The following BABAM2 variants were observed in gnomAD, a reference collection of about 807,000 sequenced individuals.
BABAM2 encodes BRISC and BRCA1 A complex member 2.
BABAM2 carries 31 observed loss-of-function variants against 54.7 expected under a neutral mutation model. The observed-to-expected ratio is 0.57, with a 90% CI of 0.43 to 0.77. BABAM2 has a LOEUF of 0.77. BABAM2 is among the 30% of genes least tolerant of loss of function. The probability of loss-of-function intolerance (pLI) is 0.00; values close to 1 mark genes in which losing one functional copy is unlikely to be tolerated. For synonymous variants in BABAM2, 167 were observed against 162.9 expected (o/e 1.03, Z -0.19); for missense variants, 364 against 455.8 (o/e 0.80, Z 1.83).
At chr2:28,058,328 T>C (rs1030864269) in intron 6 of BABAM2, among the ~76,000 whole-genome samples, 5 of 152,066 alleles carry the variant, frequency 3.3e-5, no homozygotes, top group Admixed American at 3.3e-4. Flanking sequence ...TTAACTCAAA[T>C]TTTAATCATT....
intron 6 of BABAM2, among the ~76,000 whole-genome samples, chr2:28,127,357 T>G (rs1324346089): frequency 6.6e-6 from 1 of 152,122 alleles, no homozygotes; most frequent in Non-Finnish European, 1.5e-5. Flanking sequence ...GAGAAGCATT[T>G]GGTGTGTTTA....
intron 7 of BABAM2, among the ~76,000 whole-genome samples, chr2:28,146,778 A>G (rs1404007771): frequency 6.6e-6 from 1 of 152,132 alleles, no homozygotes; most frequent in East Asian, 1.9e-4. Context: ...CCTGACTTGG[A>G]TTTTAATCTC....
chr2:27,930,150 A>G (rs1433285549), intron 3 of BABAM2: 2 of 406,006 alleles, frequency 4.9e-6, no homozygotes, highest in African/African-American at 2.1e-5. Flanking sequence ...CATGCCCGGT[A>G]ATTTTTATGT....
intron 10 of BABAM2, among the ~76,000 whole-genome samples, chr2:28,287,087 C>T (rs1686888432): frequency 6.6e-6 from 1 of 152,138 alleles, no homozygotes; most frequent in East Asian, 1.9e-4. Flanking sequence ...TAAACTGACC[C>T]TTTACTTTAA....
intron 7 of BABAM2, among the ~76,000 whole-genome samples, chr2:28,153,184 T>G (rs1672220800): frequency 6.6e-6 from 1 of 152,214 alleles, no homozygotes; most frequent in Non-Finnish European, 1.5e-5. Context: ...TCAGATCCTG[T>G]TCCTTGGATG....
chr2:28,146,305 C>G (rs1291412170), intron 7 of BABAM2, among the ~76,000 whole-genome samples: 3 of 152,176 alleles, frequency 2.0e-5, no homozygotes, highest in Non-Finnish European at 4.4e-5. Context: ...TGAAGTTCCT[C>G]TTGGCTAGAA....
rs189375087 is a variant in BABAM2 at position 28,291,168 on chromosome 2, G to T, written c.935-7170G>T. On this transcript the variant is annotated intron_variant, in intron 10 of 11. Coordinates refer to ENST00000379624, the MANE Select transcript of BABAM2 (RefSeq NM_199191.3). Reference sequence around the variant, plus strand: ...GCCTATGATATCATCACTAATTAATGGTGTAGCCAATATTTGAACTCACTT... The same window carrying T: ...GCCTATGATATCATCACTAATTAATTGTGTAGCCAATATTTGAACTCACTT... 4.6e-5 allele frequency among the ~76,000 whole-genome samples: 7 copies of T among 152,238 alleles called. No homozygotes were observed. In the South Asian group the frequency reaches 1.5e-3, roughly 32 times the overall value.
intron 5 of BABAM2, among the ~76,000 whole-genome samples, chr2:28,025,774 A>G (rs1455608049): frequency 1.3e-5 from 2 of 152,178 alleles, no homozygotes; most frequent in Non-Finnish European, 2.9e-5. Flanking sequence ...CCCTCCTTTG[A>G]GTGGAAGACT....
At chr2:28,100,992 G>A (rs144787255) in intron 6 of BABAM2, among the ~76,000 whole-genome samples, 20 of 152,328 alleles carry the variant, frequency 1.3e-4, no homozygotes, top group African/African-American at 9.6e-5. Flanking sequence ...TTCCAGGGAA[G>A]CAGGCAAAGC....
At chr2:28,290,111 T>G (rs1302634948) in intron 10 of BABAM2, among the ~76,000 whole-genome samples, 1 of 152,248 alleles carries the variant, frequency 6.6e-6, no homozygotes, top group Non-Finnish European at 1.5e-5. Flanking sequence ...CTTGCTTTTT[T>G]CACTGAACAT....
intron 4 of BABAM2, among the ~76,000 whole-genome samples, chr2:27,991,662 C>T (rs151054066): frequency 6.6e-6 from 1 of 152,190 alleles, no homozygotes; most frequent in East Asian, 1.9e-4. Context: ...ATATGTTGTC[C>T]TTTGTTACTG....
chr2:28,336,119 G>T (rs535896646), intron 11 of BABAM2, among the ~76,000 whole-genome samples: 4 of 152,198 alleles, frequency 2.6e-5, no homozygotes, highest in Non-Finnish European at 4.4e-5. Context: ...AAGAGAATCA[G>T]TGTAGCTGCA....
intron 7 of BABAM2, among the ~76,000 whole-genome samples, chr2:28,139,341 A>AAG (rs1553326512): frequency 8.9e-4 from 110 of 123,880 alleles, no homozygotes; most frequent in Middle Eastern, 4.5e-3. Context: ...AAAAAAAAAA[A>AAG]AAAAGAAAAA....
upstream of BABAM2, chr2:27,890,418 AC>A: frequency 1.4e-6 from 2 of 1,429,606 alleles, no homozygotes; most frequent in South Asian, 1.2e-5. This position sits in a 1 kb window ranked among gnomAD's most constrained non-coding sequence, Gnocchi z 4.8. Context: ...CAGAGACGCC[AC>A]TCCTGCCCTC....
At chr2:28,041,249 C>T (rs1453770122) in intron 5 of BABAM2, among the ~76,000 whole-genome samples, 1 of 152,114 alleles carries the variant, frequency 6.6e-6, no homozygotes, top group African/African-American at 2.4e-5. Context: ...TTTCAAATTG[C>T]ATTTTAATTT....
chr2:28,014,648 T>C (rs974817313), intron 4 of BABAM2, among the ~76,000 whole-genome samples: 3 of 149,942 alleles, frequency 2.0e-5, no homozygotes, highest in Non-Finnish European at 4.4e-5. Flanking sequence ...TGGTTAAGTC[T>C]CAGCTTCAAT....
intron 10 of BABAM2, among the ~76,000 whole-genome samples, chr2:28,267,554 C>A (rs1218408235): frequency 6.6e-6 from 1 of 152,186 alleles, no homozygotes; most frequent in Non-Finnish European, 1.5e-5. Flanking sequence ...AACACAGTAA[C>A]GTTTTATTTC....
chr2:28,065,378 A>G (rs1359400014), intron 6 of BABAM2, among the ~76,000 whole-genome samples: 1 of 152,162 alleles, frequency 6.6e-6, no homozygotes, highest in Non-Finnish European at 1.5e-5. Context: ...CTAGCAGCAA[A>G]TTATAATGCC....
At chr2:28,173,183 A>T (rs1315069728) in intron 7 of BABAM2, among the ~76,000 whole-genome samples, 1 of 152,186 alleles carries the variant, frequency 6.6e-6, no homozygotes, top group Non-Finnish European at 1.5e-5. Flanking sequence ...GGTGACACAA[A>T]CATTCATTTC....
Sources: allele counts gnomAD v4.1 joint callset (sites outside exome capture counted in the v4.1 genomes callset), GRCh38; gene constraint gnomAD v4.1.1; non-coding constraint Gnocchi (gnomAD v3.1); transcripts MANE v1.5; gene names NCBI Gene and HGNC (gene_info 2026-07-23, HGNC 2026-07-21).